The following PCBD2 variants were observed in gnomAD, a reference collection of about 807,000 sequenced individuals.
PCBD2 encodes the protein pterin-4-alpha-carbinolamine dehydratase 2.
PCBD2 carries 12 observed loss-of-function variants against 16.4 expected under a neutral mutation model. The observed-to-expected ratio is 0.73, with a 90% confidence interval of 0.47 to 1.19. The LOEUF (loss-of-function observed/expected upper bound fraction) is 1.19. Among genes scored for constraint, PCBD2 ranks in the 50% most tolerant of loss-of-function variants. The pLI is 0.00. For synonymous variants in PCBD2, 58 were observed against 61.8 expected (o/e 0.94, Z 0.29); for missense variants, 138 against 156.8 (o/e 0.88, Z 0.64).
rs184267980 is a variant in PCBD2, at chr5:134,909,292, C to G, written c.85-1043C>G. Among the ~76,000 whole-genome samples, 5 of 152,286 alleles carry G rather than the reference C, an allele frequency of 3.3e-5. No homozygotes were observed. In the East Asian group the frequency reaches 9.7e-4, roughly 29 times the overall value. On this transcript the variant is annotated intron_variant, in intron 1 of 3. Transcript: ENST00000254908. ...GCTCTGAGAAGAGGGCTTCATAAAC[C>G]CACCCCACTGAGGCCAGGGCTTTTT...
At chr5:134,935,507 T>C (rs1303596956) in intron 2 of PCBD2, among the ~76,000 whole-genome samples, 1 of 152,226 alleles carries the variant, frequency 6.6e-6, no homozygotes, top group Non-Finnish European at 1.5e-5. Flanking sequence ...CCAGCATTTA[T>C]GAATGCAATA....
chr5:134,918,069 T>G (rs954547728), intron 2 of PCBD2, among the ~76,000 whole-genome samples: 18 of 152,206 alleles, frequency 1.2e-4, no homozygotes, highest in African/African-American at 4.3e-4. Context: ...TAGTTTGGGT[T>G]TGATTGTTCT....
intron 2 of PCBD2, among the ~76,000 whole-genome samples, chr5:134,916,839 C>T (rs1050038854): frequency 1.3e-5 from 2 of 152,172 alleles, no homozygotes; most frequent in Admixed American, 6.5e-5. Context: ...CTCTGCAGTG[C>T]GTCAATGGAC....
chr5:134,943,644 A>G (rs1751258177), intron 2 of PCBD2, among the ~76,000 whole-genome samples: 1 of 152,158 alleles, frequency 6.6e-6, no homozygotes, highest in Non-Finnish European at 1.5e-5. Context: ...CCATTCCTGT[A>G]CAGAGACCCA....
intron 1 of PCBD2, among the ~76,000 whole-genome samples, chr5:134,907,624 A>ATT (rs939876136): frequency 4.8e-5 from 7 of 144,908 alleles, no homozygotes; most frequent in African/African-American, 1.8e-4. Flanking sequence ...ATCTCTTTTG[A>ATT]TTTTTTTTTT....
intron 2 of PCBD2, among the ~76,000 whole-genome samples, chr5:134,912,741 G>T (rs2149530412): frequency 6.6e-6 from 1 of 152,198 alleles, no homozygotes; most frequent in African/African-American, 2.4e-5. Flanking sequence ...TCACAGAGTG[G>T]CCTTGTCTGG....
chr5:134,949,449 AC>A (rs1189823353), intron 2 of PCBD2, among the ~76,000 whole-genome samples: 32 of 152,198 alleles, frequency 2.1e-4, no homozygotes, highest in African/African-American at 7.7e-4. Context: ...AGCTCCTTTT[AC>A]GTATGGGGAA....
rs1561454108 is a variant in PCBD2, at chr5:134,960,776, CTT to C, written c.*102_*103del. The stretch of plus-strand genomic sequence containing the variant: ...GAACAAATAGAGTTGTTCTTTTTCT[CTT>C]TTTTTTAAGACAGAGTGTTGCTCTG... On this transcript the variant is annotated 3_prime_UTR_variant, in exon 4 of 4. Coordinates refer to ENST00000254908, the MANE Select transcript of PCBD2 (RefSeq NM_032151.5). The C allele has an allele frequency of 9.3e-7, 1 of 1,071,752 alleles. No homozygotes were observed. 66.4% of individuals were successfully genotyped at this position (1,071,752 alleles called of 1,614,324 possible). A position where few individuals can be genotyped will look rare whatever the true frequency, so the allele number is the denominator to read the frequency against.
At chr5:134,921,199 G>A (rs541091631) in intron 2 of PCBD2, among the ~76,000 whole-genome samples, 15 of 152,364 alleles carry the variant, frequency 9.8e-5, no homozygotes, top group Non-Finnish European at 1.8e-4. Context: ...TGCAACAGAA[G>A]GACCTGGTTT....
intron 2 of PCBD2, among the ~76,000 whole-genome samples, chr5:134,941,071 C>T (rs544660649): frequency 9.5e-5 from 14 of 146,944 alleles, no homozygotes; most frequent in Non-Finnish European, 1.6e-4. Flanking sequence ...GCCAAGATCA[C>T]GCCACTGCAC....
chr5:134,914,619 A>G (rs1003047705), intron 2 of PCBD2, among the ~76,000 whole-genome samples: 3 of 152,018 alleles, frequency 2.0e-5, no homozygotes, highest in Admixed American at 1.3e-4. Flanking sequence ...GTAGGGAAGT[A>G]CAGTTGTGAT....
chr5:134,922,763 C>T (rs751552736), intron 2 of PCBD2, among the ~76,000 whole-genome samples: 1 of 151,010 alleles, frequency 6.6e-6, no homozygotes, highest in African/African-American at 2.4e-5. Context: ...CCTGGGTTCA[C>T]GCTATTCTCC....
intron 2 of PCBD2, among the ~76,000 whole-genome samples, chr5:134,953,033 G>GT (rs1052025681): frequency 8.0e-4 from 116 of 145,192 alleles, no homozygotes; most frequent in Admixed American, 8.9e-4. Flanking sequence ...TTATTAACAA[G>GT]TTTTTTTTTT....
chr5:134,910,383 C>T lies in PCBD2; in HGVS notation c.133C>T (p.Leu45Phe). Residue 45 changes from leucine to phenylalanine, a missense_variant, in exon 2 of 4, where the codon CTT (leucine) becomes TTT (phenylalanine). Transcript: ENST00000254908. ...LTAEERNQAI[L>F]DLKAAGWSEL... Reference sequence around the variant, plus strand: ...TGCAGAGGAGAGGAACCAAGCTATACTTGACCTTAAAGCAGCAGGATGGTC... The same window carrying T: ...TGCAGAGGAGAGGAACCAAGCTATATTTGACCTTAAAGCAGCAGGATGGTC... 6 of 1,614,002 alleles carry T rather than the reference C, an allele frequency of 3.7e-6. No individual in the cohort carries two copies. Among genetic ancestry groups the T allele is most frequent in the Non-Finnish European group, 2.5e-6 (3 of 1,179,838 alleles).
At chr5:134,952,738 C>G (rs1423148481) in intron 2 of PCBD2, among the ~76,000 whole-genome samples, 2 of 151,242 alleles carry the variant, frequency 1.3e-5, no homozygotes, top group East Asian at 3.9e-4. Context: ...CCCAGGAGTT[C>G]AAGGTTGCAG....
intron 2 of PCBD2, among the ~76,000 whole-genome samples, chr5:134,948,986 A>G (rs565020149): frequency 6.6e-6 from 1 of 152,078 alleles, no homozygotes; most frequent in Non-Finnish European, 1.5e-5. Flanking sequence ...GGCCTGAGTT[A>G]TTGGAAATGT....
At chr5:134,957,002 C>T (rs180729154) in intron 2 of PCBD2, among the ~76,000 whole-genome samples, 8 of 152,292 alleles carry the variant, frequency 5.3e-5, no homozygotes, top group Non-Finnish European at 7.4e-5. Flanking sequence ...TGGTGGCTCA[C>T]GCCTATATTC....
intron 2 of PCBD2, chr5:134,926,635 A>T: frequency 2.5e-6 from 1 of 396,620 alleles, no homozygotes; most frequent in Admixed American, 4.4e-5. Context: ...TCACAATCTG[A>T]TGTTTTGGTT....
At chr5:134,959,993 C>T (rs374847265) in intron 3 of PCBD2, among the ~76,000 whole-genome samples, 9 of 147,442 alleles carry the variant, frequency 6.1e-5, no homozygotes, top group African/African-American at 2.3e-4. Context: ...CGGGTTCAAG[C>T]GATTCTGCTG....
Sources: gnomAD v4.1 joint callset for allele counts (sites outside exome capture counted in the v4.1 genomes callset) on GRCh38, gnomAD v4.1.1 for gene constraint, MANE v1.5 for transcripts, NCBI Gene and HGNC (gene_info 2026-07-23, HGNC 2026-07-21) for gene names.